The following CHRM3 variants were observed in gnomAD, a reference collection of about 807,000 sequenced individuals.
The protein encoded by CHRM3 is cholinergic receptor muscarinic 3.
A neutral mutation model predicts 41.8 loss-of-function variants in CHRM3; 11 were observed. The observed-to-expected ratio is 0.26, with a 90% confidence interval of 0.17 to 0.44. The LOEUF is 0.44. CHRM3 is among the 20% of genes least tolerant of loss of function. CHRM3 has a pLI of 1.00. For missense variants in CHRM3, 571 were observed against 745.4 expected (o/e 0.77, Z 2.72); for synonymous variants, 297 against 301.4 (o/e 0.99, Z 0.15).
At chr1:239,795,877 C>A (rs1455274893) in intron 5 of CHRM3, among the ~76,000 whole-genome samples, 1 of 152,166 alleles carries the variant, frequency 6.6e-6, no homozygotes, top group Non-Finnish European at 1.5e-5. Context: ...CTGACCAATT[C>A]ATCTTAGTCT....
intron 1 of CHRM3, among the ~76,000 whole-genome samples, chr1:239,467,444 G>A (rs566760289): frequency 6.6e-6 from 1 of 152,176 alleles, no homozygotes; most frequent in Admixed American, 6.5e-5. Flanking sequence ...TGGGATTACA[G>A]GCACATGCCA....
chr1:239,776,735 G>A (rs1668115708), intron 5 of CHRM3, among the ~76,000 whole-genome samples: 1 of 152,148 alleles, frequency 6.6e-6, no homozygotes, highest in Non-Finnish European at 1.5e-5. Context: ...AAAGGAAAGA[G>A]GTTTAATTGA....
chr1:239,578,161 T>C (rs555730952), intron 3 of CHRM3, among the ~76,000 whole-genome samples: 2 of 152,312 alleles, frequency 1.3e-5, no homozygotes, highest in East Asian at 1.9e-4. Context: ...ATTGTCTCTA[T>C]AGAAGGTCAG....
intron 5 of CHRM3, among the ~76,000 whole-genome samples, chr1:239,716,877 G>T (rs1662427414): frequency 6.6e-6 from 1 of 152,026 alleles, no homozygotes; most frequent in African/African-American, 2.4e-5. Context: ...GTATTTGGTT[G>T]TTTGGCTTTG....
intron 5 of CHRM3, among the ~76,000 whole-genome samples, chr1:239,698,623 A>C (rs181693045): frequency 1.4e-4 from 21 of 152,364 alleles, no homozygotes; most frequent in Non-Finnish European, 8.8e-5. Context: ...CATACTTCCA[A>C]TCAAGCATAT....
Position 239,545,756 on chromosome 1 carries a change from A to C in CHRM3, c.-313+7A>C, listed in dbSNP as rs1659226359. 6.6e-6 allele frequency: 1 copy of C among 152,080 alleles called. No individual in the cohort carries two copies. The highest frequency in any genetic ancestry group is 2.4e-5 in the African/African-American group (1 of 41,418). The allele number at this position is 152,080 out of a possible 1,614,324, so 9.4% of individuals were successfully genotyped here. A position where few individuals can be genotyped will look rare whatever the true frequency, so the allele number is the denominator to read the frequency against. On this transcript the variant is annotated splice_region_variant and intron_variant, in intron 3 of 6. Coordinates refer to ENST00000676153, the MANE Select transcript of CHRM3 (RefSeq NM_001375978.1). Reference sequence around the variant, plus strand: ...GAACCAAGTCTCTTCACTAGTAGGTATTTTTTTAATTAATATCATGTACAC... The same window carrying C: ...GAACCAAGTCTCTTCACTAGTAGGTCTTTTTTTAATTAATATCATGTACAC...
intron 6 of CHRM3, among the ~76,000 whole-genome samples, chr1:239,866,080 T>C (rs937163026): frequency 3.9e-5 from 6 of 152,010 alleles, no homozygotes. Context: ...CTTGGAGTGA[T>C]TAAAAAGCTT....
At chr1:239,739,033 G>A (rs1486945538) in intron 5 of CHRM3, among the ~76,000 whole-genome samples, 1 of 152,120 alleles carries the variant, frequency 6.6e-6, no homozygotes, top group South Asian at 2.1e-4. Context: ...TTTTGTTAAT[G>A]CTCACTACAG....
intron 2 of CHRM3, among the ~76,000 whole-genome samples, chr1:239,532,631 A>G (rs970643322): frequency 6.6e-6 from 1 of 151,978 alleles, no homozygotes; most frequent in East Asian, 2.0e-4. Context: ...TCAAAAAAAA[A>G]AAAAAAAGAT....
At chr1:239,397,805 G>A (rs932956058) in intron 1 of CHRM3, among the ~76,000 whole-genome samples, 4 of 149,546 alleles carry the variant, frequency 2.7e-5, no homozygotes, top group African/African-American at 9.8e-5. Flanking sequence ...AAAAATTTTA[G>A]TGTATTTAAT....
At chr1:239,572,844 CA>C (rs1251725485) in intron 3 of CHRM3, among the ~76,000 whole-genome samples, 1 of 152,218 alleles carries the variant, frequency 6.6e-6, no homozygotes, top group African/African-American at 2.4e-5. Flanking sequence ...AAGGATTCCA[CA>C]AAGCACTTCA....
intron 1 of CHRM3, among the ~76,000 whole-genome samples, chr1:239,464,763 C>A (rs1665603476): frequency 6.6e-6 from 1 of 152,168 alleles, no homozygotes; most frequent in Admixed American, 6.5e-5. Flanking sequence ...CTGGAGCTCT[C>A]ATTCTTGACG....
chr1:239,465,044 C>T (rs1665622319), intron 1 of CHRM3, among the ~76,000 whole-genome samples: 1 of 152,082 alleles, frequency 6.6e-6, no homozygotes, highest in Non-Finnish European at 1.5e-5. Context: ...TTTCAAAAAT[C>T]TAATTCAATT....
chr1:239,654,611 A>G (rs1216551781), intron 4 of CHRM3, among the ~76,000 whole-genome samples: 1 of 152,094 alleles, frequency 6.6e-6, no homozygotes, highest in Admixed American at 6.6e-5. Flanking sequence ...GTGGGCCGGG[A>G]AAGTCTCGAA....
chr1:239,487,842 C>A, intron 1 of CHRM3, among the ~76,000 whole-genome samples: 1 of 140,388 alleles, frequency 7.1e-6, no homozygotes. Flanking sequence ...CAAAAATATG[C>A]TTGGGTAATA....
At chr1:239,586,663 G>A (rs1223018245) in intron 3 of CHRM3, among the ~76,000 whole-genome samples, 5 of 152,012 alleles carry the variant, frequency 3.3e-5, no homozygotes, top group South Asian at 2.1e-4. Context: ...AAGCAGATAT[G>A]TTGCATGCTT....
chr1:239,825,097 C>T (rs1055472150), intron 5 of CHRM3, among the ~76,000 whole-genome samples: 1 of 152,194 alleles, frequency 6.6e-6, no homozygotes, highest in Non-Finnish European at 1.5e-5. Flanking sequence ...TCAGGCCTGT[C>T]CTTATGGGAC....
At chr1:239,392,309 A>C (rs1202700690) in intron 1 of CHRM3, among the ~76,000 whole-genome samples, 1 of 152,176 alleles carries the variant, frequency 6.6e-6, no homozygotes, top group African/African-American at 2.4e-5. Flanking sequence ...GCAGGATCAA[A>C]TCTCAGTTCT....
At chr1:239,422,765 A>G (rs553660745) in intron 1 of CHRM3, among the ~76,000 whole-genome samples, 240 of 152,108 alleles carry the variant, frequency 1.6e-3, no homozygotes, top group African/African-American at 5.4e-3. Flanking sequence ...ACTGCACTCC[A>G]GCCTGGGTGA....
Sources: gnomAD v4.1 joint callset for allele counts (sites outside exome capture counted in the v4.1 genomes callset) on GRCh38, gnomAD v4.1.1 for gene constraint, MANE v1.5 for transcripts, NCBI Gene and HGNC (gene_info 2026-07-23, HGNC 2026-07-21) for gene names.